Variants in FA2H observed in about 807,000 individuals in gnomAD.
The protein encoded by FA2H is fatty acid 2-hydroxylase, also known as fatty acid alpha-hydroxylase.
FA2H carries 22 observed loss-of-function variants against 44.9 expected under a neutral mutation model. That is an observed-to-expected ratio of 0.49 (90% confidence interval 0.35 to 0.70). The LOEUF (loss-of-function observed/expected upper bound fraction) is 0.70. FA2H is among the 30% of genes least tolerant of loss of function. The pLI is 0.01. For missense variants in FA2H, 501 were observed against 504.9 expected (o/e 0.99, Z 0.07); for synonymous variants, 243 against 213.2 (o/e 1.14, Z -1.22).
intron 1 of FA2H, among the ~76,000 whole-genome samples, chr16:74,770,857 T>C (rs1168871989): frequency 6.6e-6 from 1 of 152,228 alleles, no homozygotes; most frequent in East Asian, 1.9e-4. Flanking sequence ...AGTAAGGATG[T>C]CTGCAGCATG....
intron 1 of FA2H, among the ~76,000 whole-genome samples, chr16:74,769,210 A>C (rs1054399050): frequency 6.6e-6 from 1 of 152,150 alleles, no homozygotes; most frequent in Non-Finnish European, 1.5e-5. Context: ...CTCCCACCTC[A>C]GCCTCCCAAG....
intron 4 of FA2H, among the ~76,000 whole-genome samples, chr16:74,721,033 G>C (rs924129573): frequency 6.6e-6 from 1 of 152,246 alleles, no homozygotes; most frequent in African/African-American, 2.4e-5. Context: ...CATTCGTGTA[G>C]AGGTTTCAGT....
intron 4 of FA2H, among the ~76,000 whole-genome samples, chr16:74,724,860 C>G (rs1186570286): frequency 1.3e-5 from 2 of 152,064 alleles, no homozygotes; most frequent in African/African-American, 2.4e-5. Context: ...AGCATCACCC[C>G]TGTCTGCCCA....
chr16:74,763,155 T>C (rs1196491011), intron 1 of FA2H, among the ~76,000 whole-genome samples: 2 of 152,216 alleles, frequency 1.3e-5, no homozygotes, highest in Admixed American at 6.5e-5. Context: ...TCTTTGATCT[T>C]TGTGAGTAAA....
chr16:74,760,509 T>TG (rs1406923180), intron 1 of FA2H, among the ~76,000 whole-genome samples: 2 of 152,204 alleles, frequency 1.3e-5, no homozygotes, highest in Non-Finnish European at 2.9e-5. Flanking sequence ...AAAGGGCAGC[T>TG]GCCAGGAAGC....
intron 2 of FA2H, among the ~76,000 whole-genome samples, chr16:74,735,033 C>T (rs903145529): frequency 6.6e-6 from 1 of 152,226 alleles, no homozygotes; most frequent in Non-Finnish European, 1.5e-5. Flanking sequence ...GCTCAGGCCT[C>T]ACATCCCCTA....
Position 74,737,668 on chromosome 16 carries a change from G to A in FA2H, c.363+2355C>T, listed in dbSNP as rs555216481. Among the ~76,000 whole-genome samples, 3 of 152,304 alleles carry A rather than the reference G, an allele frequency of 2.0e-5. No homozygotes were observed. The East Asian group carries it at 5.8e-4, about 29-fold the overall frequency. ...CGGGAGGCCAGGACTCCAGTCTTTG[G>A]CAGCAATCACAGTACTGAGCTTGGA... On this transcript the variant is annotated intron_variant, in intron 2 of 6. Transcript: ENST00000219368.
In FA2H at chr16:74,737,497, T is replaced by C. The variant is rs139508207; in HGVS notation, c.363+2526A>G. 5.3e-3 allele frequency among the ~76,000 whole-genome samples: 812 copies of C among 152,274 alleles called. 6 individuals are homozygous for C. Among genetic ancestry groups the C allele is most frequent in the Middle Eastern group, 0.01 (3 of 294 alleles). On this transcript the variant is annotated intron_variant, in intron 2 of 6. Transcript: ENST00000219368. ...GCACCAGGGTTTGCTTCCTGGCCCT[T>C]CTTCCTGTCTTTTCAGATCCTTCTA...
At chr16:74,770,697 C>T (rs1301202239) in intron 1 of FA2H, among the ~76,000 whole-genome samples, 1 of 152,204 alleles carries the variant, frequency 6.6e-6, no homozygotes, top group East Asian at 1.9e-4. Context: ...TAAAGACAAC[C>T]CTGTACTAGT....
intron 6 of FA2H, among the ~76,000 whole-genome samples, chr16:74,715,703 TAGAAAATTTAAAATCACA>T (rs1358076070): frequency 1.3e-5 from 2 of 152,214 alleles, no homozygotes; most frequent in Non-Finnish European, 2.9e-5. Context: ...GTGTGGCCAC[TAGAAAATTTAAAATCACA>T]TATGTGGCCC....
chr16:74,750,775 G>GTT (rs1962513115), intron 1 of FA2H, among the ~76,000 whole-genome samples: 1 of 150,492 alleles, frequency 6.6e-6, no homozygotes, highest in African/African-American at 2.5e-5. Flanking sequence ...GTGTGTGTGT[G>GTT]TGTGTGTGTG....
At chr16:74,717,498 GCAGTGTGAAAACTGCC>G (rs1961733229) in intron 5 of FA2H, among the ~76,000 whole-genome samples, 1 of 152,248 alleles carries the variant, frequency 6.6e-6, no homozygotes, top group South Asian at 2.1e-4. Context: ...GCCAATTCCT[GCAGTGTGAAAACTGCC>G]CTGGCGCTTT....
Position 74,740,127 on chromosome 16 carries a change from A to G in FA2H, c.271-12T>C, listed in dbSNP as rs1314200047. ...TTCTCCATGGAGCCCTGGAAGGAGA[A>G]GATACAAGAGGATTATACACAGTGG... On this transcript the variant is annotated splice_polypyrimidine_tract_variant and intron_variant, in intron 1 of 6. Coordinates refer to ENST00000219368, the MANE Select transcript of FA2H (RefSeq NM_024306.5). 1 of 1,602,916 alleles carries G rather than the reference A, an allele frequency of 6.2e-7. No homozygotes were observed. The highest frequency in any genetic ancestry group is 2.2e-5 in the East Asian group (1 of 44,810).
chr16:74,736,021 T>C (rs1962172570), intron 2 of FA2H, among the ~76,000 whole-genome samples: 1 of 151,772 alleles, frequency 6.6e-6, no homozygotes, highest in African/African-American at 2.4e-5. Context: ...GCTTTCTGCA[T>C]CATACTGGAA....
At chr16:74,720,664 C>T (rs57530422) in intron 4 of FA2H, among the ~76,000 whole-genome samples, 96 of 152,276 alleles carry the variant, frequency 6.3e-4, no homozygotes, top group African/African-American at 2.3e-3. Context: ...GTTAAACCGT[C>T]ACCCCAGTCA....
intron 1 of FA2H, among the ~76,000 whole-genome samples, chr16:74,753,304 T>G (rs1056024868): frequency 6.6e-6 from 1 of 152,190 alleles, no homozygotes; most frequent in Non-Finnish European, 1.5e-5. Context: ...GGCAAGAGCA[T>G]GGGCTGCCCG....
In FA2H at chr16:74,770,560, G is replaced by A. The variant is rs567505793; in HGVS notation, c.270+3926C>T. 6.6e-5 allele frequency among the ~76,000 whole-genome samples: 10 copies of A among 152,168 alleles called. No homozygotes were observed. The South Asian group carries it at 1.0e-3, about 16-fold the overall frequency. On this transcript the variant is annotated intron_variant, in intron 1 of 6. Coordinates refer to ENST00000219368, the MANE Select transcript of FA2H (RefSeq NM_024306.5). Reference sequence around the variant, plus strand: ...CACCCAGCTAATTTTTTGTAGAGACGGGGTTTCACCATGTTGCCCAGGCTG... The same window carrying A: ...CACCCAGCTAATTTTTTGTAGAGACAGGGTTTCACCATGTTGCCCAGGCTG...
chr16:74,714,706 T>C (rs994013281), intron 6 of FA2H, among the ~76,000 whole-genome samples: 3 of 152,220 alleles, frequency 2.0e-5, no homozygotes, highest in African/African-American at 4.8e-5. Flanking sequence ...AACTAGCCCT[T>C]AGCCACACAT....
intron 4 of FA2H, among the ~76,000 whole-genome samples, chr16:74,723,742 T>C (rs1961889420): frequency 6.6e-6 from 1 of 152,168 alleles, no homozygotes; most frequent in Non-Finnish European, 1.5e-5. Flanking sequence ...GGCATTGGAT[T>C]TGCAGACCTG....
Sources: gnomAD v4.1 joint callset for allele counts (sites outside exome capture counted in the v4.1 genomes callset) on GRCh38, gnomAD v4.1.1 for gene constraint, MANE v1.5 for transcripts, NCBI Gene and HGNC (gene_info 2026-07-23, HGNC 2026-07-21) for gene names.